Variants in RGS21 observed in about 807,000 individuals in gnomAD.
RGS21 encodes the protein regulator of G protein signaling 21, also known as regulator of G-protein signalling 21.
RGS21 carries 19 observed loss-of-function variants against 18.7 expected under a neutral mutation model. The ratio of observed to expected loss-of-function variants is 1.01; its 90% CI spans 0.71 to 1.49. RGS21 has a LOEUF of 1.49. Ranked by LOEUF, RGS21 falls within the 40% of genes most tolerant of loss-of-function variation. The pLI, the probability that RGS21 is intolerant of heterozygous loss-of-function variation, is 0.00. For missense variants in RGS21, 194 were observed against 176.8 expected, an observed-to-expected ratio of 1.10 and a Z score of -0.55; for synonymous variants, 56 against 57.8, an observed-to-expected ratio of 0.97 and a Z score of 0.14.
At chr1:192,331,246 A>T (rs1305375324) in intron 1 of RGS21, among the ~76,000 whole-genome samples, 2 of 152,312 alleles carry the variant, frequency 1.3e-5, no homozygotes, top group East Asian at 3.9e-4. Flanking sequence ...TTTAAAAAAA[A>T]ATCTATTTTA....
At position 192,366,948 on chromosome 1, in the gene RGS21, A is replaced by C. The variant is rs535381489; in HGVS notation, c.*824A>C. ...GGAAGTATCTATTCACTCCTTCAGC[A>C]CTGATACTTGTTTATAAAACCCAAA... On this transcript the variant is annotated 3_prime_UTR_variant, in exon 5 of 5. Coordinates refer to ENST00000417209, the MANE Select transcript of RGS21 (RefSeq NM_001039152.3). The C allele has an allele frequency of 2.6e-5, 4 of 152,212 alleles. No individual in the cohort carries two copies. The East Asian group carries it at 7.7e-4, about 29-fold the overall frequency. The allele number at this position is 152,212 out of a possible 1,614,324, so 9.4% of individuals were successfully genotyped here.
At chr1:192,331,603 A>G (rs1309911126) in intron 1 of RGS21, among the ~76,000 whole-genome samples, 2 of 150,978 alleles carry the variant, frequency 1.3e-5, no homozygotes, top group African/African-American at 4.9e-5. Flanking sequence ...TATAATTTAA[A>G]TTGACTTTAA....
intron 4 of RGS21, among the ~76,000 whole-genome samples, chr1:192,357,505 T>C (rs1224207694): frequency 2.0e-5 from 3 of 151,904 alleles, no homozygotes; most frequent in Non-Finnish European, 4.4e-5. Context: ...GATTATCTCA[T>C]TTGGTCATCA....
intron 1 of RGS21, among the ~76,000 whole-genome samples, chr1:192,336,384 G>T (rs1035666925): frequency 2.0e-5 from 3 of 152,160 alleles, no homozygotes; most frequent in African/African-American, 7.2e-5. Flanking sequence ...GAACCAAGGA[G>T]GCGCAGGTTG....
chr1:192,355,112 G>A (rs1480725147), intron 4 of RGS21, among the ~76,000 whole-genome samples: 1 of 151,600 alleles, frequency 6.6e-6, no homozygotes, highest in Non-Finnish European at 1.5e-5. Flanking sequence ...AAAAACTAAA[G>A]TTTGGAGCTA....
chr1:192,319,609 C>T (rs1162521274), intron 1 of RGS21, among the ~76,000 whole-genome samples: 2 of 151,990 alleles, frequency 1.3e-5, no homozygotes, highest in Non-Finnish European at 2.9e-5. Context: ...ACAAGATGAG[C>T]TTTAAGGGAT....
intron 4 of RGS21, among the ~76,000 whole-genome samples, chr1:192,363,512 C>T (rs1191261174): frequency 6.6e-6 from 1 of 152,112 alleles, no homozygotes; most frequent in Non-Finnish European, 1.5e-5. Context: ...ATGAAACAGA[C>T]TATAGTAGAT....
chr1:192,366,100 T>TA lies in RGS21; in HGVS notation c.441dup (p.Trp148MetfsTer13). 3.1e-6 allele frequency: 5 copies of TA among 1,606,150 alleles called. No homozygotes were observed. The highest frequency in any genetic ancestry group is 4.3e-6 in the Non-Finnish European group (5 of 1,175,830). Reference sequence around the variant, plus strand: ...TAAATAGCCAACAGGTTCCAAATCATAAAAAATGGCTCCCTTTTTTGTGAG... The same window carrying TA: ...TAAATAGCCAACAGGTTCCAAATCATAAAAAAATGGCTCCCTTTTTTGTGAG... On this transcript the variant is annotated frameshift_variant, in exon 5 of 5. Transcript: ENST00000417209. LOFTEE classifies it high-confidence loss of function.
At chr1:192,356,238 T>C (rs544519162) in intron 4 of RGS21, among the ~76,000 whole-genome samples, 2 of 151,830 alleles carry the variant, frequency 1.3e-5, no homozygotes, top group Non-Finnish European at 3.0e-5. Flanking sequence ...ACATTATCTT[T>C]CACATCAATA....
At chr1:192,319,940 T>A (rs1324098650) in intron 1 of RGS21, among the ~76,000 whole-genome samples, 1 of 152,098 alleles carries the variant, frequency 6.6e-6, no homozygotes, top group Non-Finnish European at 1.5e-5. Context: ...GATACTCAAT[T>A]GTGTTTTACC....
chr1:192,349,409 C>T (rs1342183772), intron 3 of RGS21, among the ~76,000 whole-genome samples: 1 of 152,078 alleles, frequency 6.6e-6, no homozygotes, highest in Non-Finnish European at 1.5e-5. Context: ...GTCAAATTAC[C>T]TAGTTGTTTT....
chr1:192,356,607 A>T (rs1373588452), intron 4 of RGS21, among the ~76,000 whole-genome samples: 1 of 151,848 alleles, frequency 6.6e-6, no homozygotes, highest in Non-Finnish European at 1.5e-5. Context: ...CTTCATTATA[A>T]ATAAGGATAG....
chr1:192,327,407 C>T (rs1344581645), intron 1 of RGS21, among the ~76,000 whole-genome samples: 1 of 151,774 alleles, frequency 6.6e-6, no homozygotes, highest in East Asian at 1.9e-4. Context: ...AGTAATAATG[C>T]TAAATCTCAA....
At chr1:192,335,830 CT>C in intron 1 of RGS21, among the ~76,000 whole-genome samples, 1 of 152,196 alleles carries the variant, frequency 6.6e-6, no homozygotes, top group South Asian at 2.1e-4. Context: ...AACAGTGGGA[CT>C]TTCAGGGAAT....
At chr1:192,337,374 A>G in intron 1 of RGS21, among the ~76,000 whole-genome samples, 1 of 152,132 alleles carries the variant, frequency 6.6e-6, no homozygotes, top group East Asian at 1.9e-4. Flanking sequence ...TTTTTATTAA[A>G]AAGTTAATAA....
At chr1:192,340,879 C>T (rs1033836306) in intron 1 of RGS21, among the ~76,000 whole-genome samples, 6 of 151,962 alleles carry the variant, frequency 3.9e-5, no homozygotes, top group Non-Finnish European at 8.8e-5. Context: ...TGGGGGAAAC[C>T]GCCCACATGA....
intron 4 of RGS21, among the ~76,000 whole-genome samples, chr1:192,359,918 T>C (rs566966229): frequency 6.6e-6 from 1 of 151,782 alleles, no homozygotes; most frequent in East Asian, 1.9e-4. Flanking sequence ...ATCACCAGAA[T>C]TGACTTCTAG....
At chr1:192,347,952 C>T (rs988050470) in intron 3 of RGS21, among the ~76,000 whole-genome samples, 3 of 151,962 alleles carry the variant, frequency 2.0e-5, no homozygotes, top group African/African-American at 4.8e-5. Flanking sequence ...GTGTGAGCCA[C>T]TGTGCCAGCC....
chr1:192,343,775 T>C (rs1279371769), intron 2 of RGS21, among the ~76,000 whole-genome samples: 2 of 152,056 alleles, frequency 1.3e-5, no homozygotes, highest in Non-Finnish European at 2.9e-5. Flanking sequence ...ACTCTGATTA[T>C]GCATCACAAT....
Sources: allele counts gnomAD v4.1 joint callset (sites outside exome capture counted in the v4.1 genomes callset), GRCh38; gene constraint gnomAD v4.1.1; transcripts MANE v1.5; gene names NCBI Gene and HGNC (gene_info 2026-07-23, HGNC 2026-07-21).